LRP1B: variants seen among roughly 807,000 people sequenced by gnomAD.
LRP1B encodes LDL receptor related protein 1B.
In LRP1B, 217 loss-of-function variants were observed where a neutral mutation model predicts 556.6. The observed-to-expected ratio is 0.39, with a 90% confidence interval of 0.35 to 0.44. LRP1B has a LOEUF of 0.44. LRP1B is among the 20% of genes least tolerant of loss of function. The probability of loss-of-function intolerance (pLI) is 1.00; values close to 1 mark genes in which losing one functional copy is unlikely to be tolerated. For synonymous variants in LRP1B, 2,047 were observed against 1,865.8 expected (o/e 1.10, Z -2.50); for missense variants, 5,053 against 5,620.8 (o/e 0.90, Z 3.23).
At chr2:140,284,972 A>G (rs1011126723) in intron 84 of LRP1B, among the ~76,000 whole-genome samples, 2 of 150,170 alleles carry the variant, frequency 1.3e-5, no homozygotes, top group Non-Finnish European at 3.0e-5. Context: ...CTATCTCTAT[A>G]TGTACCTAGA....
chr2:141,538,497 G>T lies in LRP1B; in HGVS notation c.206-57964C>A, dbSNP rs6714148. On this transcript the variant is annotated intron_variant, in intron 2 of 90. Coordinates refer to ENST00000389484, the MANE Select transcript of LRP1B (RefSeq NM_018557.3). Reference sequence around the variant, plus strand: ...AGCAATCTATTACAACTGAGTTATAGATCATTCAGACTTTGAAAATATGGT... The same window carrying T: ...AGCAATCTATTACAACTGAGTTATATATCATTCAGACTTTGAAAATATGGT... Among the ~76,000 whole-genome samples the T allele has an allele frequency of 7.0e-3, 1,071 of 152,124 alleles. 8 individuals carry two copies. Among genetic ancestry groups the T allele is most frequent in the African/African-American group, 0.023 (955 of 41,512 alleles).
At chr2:141,743,261 C>G (rs1693778963) in intron 2 of LRP1B, among the ~76,000 whole-genome samples, 1 of 151,852 alleles carries the variant, frequency 6.6e-6, no homozygotes, top group African/African-American at 2.4e-5. Flanking sequence ...GTTGAATCAC[C>G]CTTGTATCCT....
At chr2:141,679,813 A>T (rs1691039668) in intron 2 of LRP1B, among the ~76,000 whole-genome samples, 1 of 151,958 alleles carries the variant, frequency 6.6e-6, no homozygotes, top group South Asian at 2.1e-4. Flanking sequence ...TAATACTTTG[A>T]TATAATTTAT....
At chr2:140,677,806 G>A (rs1174641012) in intron 41 of LRP1B, among the ~76,000 whole-genome samples, 2 of 151,284 alleles carry the variant, frequency 1.3e-5, no homozygotes, top group Non-Finnish European at 2.9e-5. Context: ...AACCCAGGAG[G>A]TGGAGGTTGC....
intron 1 of LRP1B, among the ~76,000 whole-genome samples, chr2:142,097,699 G>C (rs1010196613): frequency 2.6e-5 from 4 of 151,536 alleles, no homozygotes; most frequent in Admixed American, 2.0e-4. Flanking sequence ...AAATAAGAAA[G>C]TACATTTTAA....
At chr2:140,720,459 A>C (rs1429497783) in intron 35 of LRP1B, among the ~76,000 whole-genome samples, 1 of 151,956 alleles carries the variant, frequency 6.6e-6, no homozygotes, top group Non-Finnish European at 1.5e-5. Context: ...GCTATTGTGC[A>C]TTATAATTAT....
intron 11 of LRP1B, among the ~76,000 whole-genome samples, chr2:141,045,097 A>T (rs927495348): frequency 3.4e-5 from 5 of 147,554 alleles, no homozygotes; most frequent in Non-Finnish European, 6.0e-5. Context: ...GCCATAAAAA[A>T]TGATGAGTTC....
chr2:140,828,028 C>T (rs960226128), intron 31 of LRP1B, among the ~76,000 whole-genome samples: 2 of 151,886 alleles, frequency 1.3e-5, no homozygotes, highest in African/African-American at 4.8e-5. Flanking sequence ...AGCTTTCCTT[C>T]AAACATGAAA....
At chr2:142,081,582 C>G (rs911941286) in intron 1 of LRP1B, among the ~76,000 whole-genome samples, 3 of 152,112 alleles carry the variant, frequency 2.0e-5, no homozygotes, top group Non-Finnish European at 2.9e-5. Flanking sequence ...GGGGAACACT[C>G]AGATATTAGT....
intron 5 of LRP1B, among the ~76,000 whole-genome samples, chr2:141,242,126 A>G (rs1238257840): frequency 6.6e-6 from 1 of 152,108 alleles, no homozygotes; most frequent in East Asian, 1.9e-4. Flanking sequence ...ATAAAAGGCC[A>G]GGGAATAGTA....
chr2:141,094,551 A>G (rs895630252), intron 7 of LRP1B, among the ~76,000 whole-genome samples: 2 of 152,274 alleles, frequency 1.3e-5, no homozygotes, highest in African/African-American at 2.4e-5. Flanking sequence ...GATCTTCGGC[A>G]TATGTTACTG....
chr2:141,544,352 C>CTTCTTCTTCTTCTTCTTCTT (rs1685446698), intron 2 of LRP1B, among the ~76,000 whole-genome samples: 4 of 89,640 alleles, frequency 4.5e-5, no homozygotes, highest in Non-Finnish European at 7.1e-5. Flanking sequence ...TCTTCTTCTT[C>CTTCTTCTTCTTCTTCTTCTT]TTCTTCTTCT....
At chr2:141,634,990 A>G (rs1053224284) in intron 2 of LRP1B, among the ~76,000 whole-genome samples, 7 of 151,888 alleles carry the variant, frequency 4.6e-5, no homozygotes, top group African/African-American at 1.7e-4. Flanking sequence ...TTTAAAGAGG[A>G]ATTAAAAAAA....
intron 2 of LRP1B, among the ~76,000 whole-genome samples, chr2:141,490,392 T>TGCGC (rs1553520868): frequency 4.6e-5 from 7 of 151,910 alleles, no homozygotes; most frequent in African/African-American, 1.7e-4. Context: ...TGTGTGTGTG[T>TGCGC]GTGTGTGTTT....
intron 84 of LRP1B, among the ~76,000 whole-genome samples, chr2:140,275,890 A>C (rs1315893359): frequency 6.6e-6 from 1 of 151,988 alleles, no homozygotes; most frequent in Non-Finnish European, 1.5e-5. Flanking sequence ...AAGACTATTT[A>C]ATAATATAAC....
intron 65 of LRP1B, among the ~76,000 whole-genome samples, chr2:140,443,207 C>A (rs992085550): frequency 6.6e-6 from 1 of 152,068 alleles, no homozygotes; most frequent in Non-Finnish European, 1.5e-5. Flanking sequence ...ATTATAGGCA[C>A]CTACCACTGC....
intron 31 of LRP1B, among the ~76,000 whole-genome samples, chr2:140,827,947 G>A (rs1008080465): frequency 8.1e-5 from 12 of 148,706 alleles, no homozygotes; most frequent in Admixed American, 5.4e-4. Flanking sequence ...ATATAGGCCT[G>A]GAGAGAGTGG....
chr2:141,973,606 GCTTC>G (rs1012877036), intron 1 of LRP1B, among the ~76,000 whole-genome samples: 2 of 151,756 alleles, frequency 1.3e-5, no homozygotes, highest in African/African-American at 4.8e-5. Context: ...AGACATTGAT[GCTTC>G]CTTCAAGGAT....
intron 1 of LRP1B, among the ~76,000 whole-genome samples, chr2:142,045,141 GGAA>G (rs1232296527): frequency 3.8e-5 from 1 of 26,016 alleles, no homozygotes; most frequent in Non-Finnish European, 1.8e-4. Context: ...TACCCAAGGG[GGAA>G]AAAAAAAAAA....
Sources: allele counts gnomAD v4.1 joint callset (sites outside exome capture counted in the v4.1 genomes callset), GRCh38; gene constraint gnomAD v4.1.1; transcripts MANE v1.5; gene names NCBI Gene and HGNC (gene_info 2026-07-23, HGNC 2026-07-21).